Variants in MAPK10 observed in about 807,000 individuals in gnomAD.
The protein encoded by MAPK10 is mitogen-activated protein kinase 10.
MAPK10 carries 25 observed loss-of-function variants against 59.3 expected under a neutral mutation model. The observed-to-expected ratio is 0.42, with a 90% confidence interval of 0.31 to 0.59. The LOEUF is 0.59. Among genes scored for constraint, MAPK10 ranks in the 20% least tolerant of loss-of-function variants. The pLI is 0.15. For synonymous variants in MAPK10, 190 were observed against 200.5 expected, an observed-to-expected ratio of 0.95 and a Z score of 0.44; for missense variants, 351 against 568.9, an observed-to-expected ratio of 0.62 and a Z score of 3.90.
intron 4 of MAPK10, among the ~76,000 whole-genome samples, chr4:86,118,157 T>C (rs2058581535): frequency 6.6e-6 from 1 of 152,200 alleles, no homozygotes; most frequent in Non-Finnish European, 1.5e-5. Flanking sequence ...TTTCTGTAAT[T>C]CCTCAGTGAT....
At chr4:86,246,432 A>G (rs1049163093) in intron 2 of MAPK10, among the ~76,000 whole-genome samples, 3 of 152,200 alleles carry the variant, frequency 2.0e-5, no homozygotes, top group African/African-American at 2.4e-5. Context: ...CTCCATCTCA[A>G]CAACAACAGC....
At chr4:86,089,868 G>A (rs1638592155) in intron 9 of MAPK10, among the ~76,000 whole-genome samples, 1 of 152,114 alleles carries the variant, frequency 6.6e-6, no homozygotes, top group Admixed American at 6.6e-5. Flanking sequence ...TCAGCAGGAA[G>A]CCTTGTCTTA....
intron 1 of MAPK10, among the ~76,000 whole-genome samples, chr4:86,525,153 C>T (rs1035249225): frequency 1.3e-5 from 2 of 151,894 alleles, no homozygotes; most frequent in Non-Finnish European, 2.9e-5. Flanking sequence ...AAAAATTAGC[C>T]AGGAGTGGTG....
intron 2 of MAPK10, among the ~76,000 whole-genome samples, chr4:86,246,170 G>A (rs762997975): frequency 1.3e-5 from 2 of 152,232 alleles, no homozygotes; most frequent in East Asian, 1.9e-4. Context: ...GGTGGCTCAC[G>A]CCTGTAATCC....
intron 1 of MAPK10, among the ~76,000 whole-genome samples, chr4:86,445,428 A>T (rs1432598649): frequency 2.6e-5 from 4 of 152,216 alleles, no homozygotes; most frequent in Non-Finnish European, 5.9e-5. Flanking sequence ...ATGGGGAGGG[A>T]GAGTAGCAGG....
At chr4:86,102,117 G>T (rs1319270646) in intron 6 of MAPK10, 85 bp from the exon 7 acceptor site, 1 of 1,232,254 alleles carries the variant, frequency 8.1e-7, no homozygotes, top group African/African-American at 1.5e-5. Flanking sequence ...TCCTAACTCT[G>T]TAAGTCTTCT....
chr4:86,260,173 C>T (rs183544701), intron 2 of MAPK10, among the ~76,000 whole-genome samples: 9 of 152,136 alleles, frequency 5.9e-5, no homozygotes, highest in Admixed American at 5.2e-4. Flanking sequence ...AAGTATTTTA[C>T]CCAAGATCAC....
intron 2 of MAPK10, among the ~76,000 whole-genome samples, chr4:86,304,120 A>G (rs2095519235): frequency 6.6e-6 from 1 of 152,210 alleles, no homozygotes; most frequent in Non-Finnish European, 1.5e-5. Flanking sequence ...TTTGGAAATG[A>G]CTAAAAATAA....
chr4:86,023,301 C>G (rs1748325812), intron 13 of MAPK10, among the ~76,000 whole-genome samples: 1 of 152,164 alleles, frequency 6.6e-6, no homozygotes, highest in African/African-American at 2.4e-5. Flanking sequence ...ATTTGTGTAT[C>G]TTCATGCAAA....
chr4:86,151,311 G>A (rs4334746), intron 4 of MAPK10, among the ~76,000 whole-genome samples: 2 of 151,922 alleles, frequency 1.3e-5, no homozygotes, highest in African/African-American at 4.8e-5. Flanking sequence ...GGAATTGGGA[G>A]CTTTCATGAA....
At chr4:86,190,662 GTCTA>G (rs2079480525) in intron 3 of MAPK10, among the ~76,000 whole-genome samples, 2 of 151,476 alleles carry the variant, frequency 1.3e-5, no homozygotes, top group Non-Finnish European at 2.9e-5. Flanking sequence ...CTGGCTAGCA[GTCTA>G]TCTATTTTGT....
chr4:86,557,137 T>A (rs1237817127), intron 1 of MAPK10, among the ~76,000 whole-genome samples: 1 of 151,840 alleles, frequency 6.6e-6, no homozygotes, highest in Non-Finnish European at 1.5e-5. Flanking sequence ...TAAAAAAAAA[T>A]GAGTAAAAAA....
chr4:86,474,599 A>AT (rs1048653047), intron 1 of MAPK10, among the ~76,000 whole-genome samples: 25 of 152,328 alleles, frequency 1.6e-4, no homozygotes, highest in African/African-American at 6.0e-4. Context: ...GAAAATGTTA[A>AT]TTTTTTTCTT....
intron 2 of MAPK10, among the ~76,000 whole-genome samples, chr4:86,307,702 G>A (rs896111586): frequency 1.3e-5 from 2 of 152,118 alleles, no homozygotes; most frequent in Non-Finnish European, 2.9e-5. Context: ...GTTTGGTTGG[G>A]ACATAGATTT....
chr4:86,482,072 A>G (rs1350656014), intron 1 of MAPK10, among the ~76,000 whole-genome samples: 2 of 152,206 alleles, frequency 1.3e-5, no homozygotes, highest in African/African-American at 4.8e-5. Context: ...ACAATGAAGT[A>G]CAACATTTCA....
chr4:86,060,814 G>T (rs961302847), intron 11 of MAPK10, among the ~76,000 whole-genome samples: 1 of 151,944 alleles, frequency 6.6e-6, no homozygotes, highest in South Asian at 2.1e-4. Flanking sequence ...GAAAAAAATG[G>T]ACCTAAAATC....
chr4:86,530,825 T>A (rs1354506418), intron 1 of MAPK10, among the ~76,000 whole-genome samples: 2 of 152,194 alleles, frequency 1.3e-5, no homozygotes. Flanking sequence ...GATCATAGCA[T>A]CTACCAAGAG....
intron 1 of MAPK10, among the ~76,000 whole-genome samples, chr4:86,374,047 C>A (rs761069696): frequency 1.0e-3 from 155 of 152,068 alleles, no homozygotes; most frequent in Admixed American, 2.2e-3. Flanking sequence ...AAATGTGGCA[C>A]ATATACACCA....
At chr4:86,406,364 G>T (rs1350476823) in intron 1 of MAPK10, among the ~76,000 whole-genome samples, 3 of 152,274 alleles carry the variant, frequency 2.0e-5, no homozygotes, top group Admixed American at 6.5e-5. Flanking sequence ...ACTAGCTTAT[G>T]ATATAGTTAG....
Sources: allele counts gnomAD v4.1 joint callset (sites outside exome capture counted in the v4.1 genomes callset), GRCh38; gene constraint gnomAD v4.1.1; transcripts MANE v1.5; gene names NCBI Gene and HGNC (gene_info 2026-07-23, HGNC 2026-07-21).